The following AKAP6 variants were observed in gnomAD, a reference collection of about 807,000 sequenced individuals.
AKAP6 encodes the protein A-kinase anchoring protein 6.
A neutral mutation model predicts 188.5 loss-of-function variants in AKAP6; 58 were observed. The observed-to-expected ratio is 0.31, with a 90% confidence interval of 0.25 to 0.38. AKAP6 has a LOEUF of 0.38. AKAP6 is among the 10% of genes least tolerant of loss of function. The pLI is 1.00. For missense variants in AKAP6, 2,710 were observed against 2,740.0 expected (o/e 0.99, Z 0.24); for synonymous variants, 989 against 998.6 (o/e 0.99, Z 0.18).
intron 11 of AKAP6, among the ~76,000 whole-genome samples, chr14:32,757,697 C>G (rs1039378293): frequency 6.6e-6 from 1 of 152,170 alleles, no homozygotes; most frequent in Non-Finnish European, 1.5e-5. Context: ...CATATATAGT[C>G]CTCTTCCAAG....
chr14:32,483,762 G>A (rs918468344), intron 2 of AKAP6, among the ~76,000 whole-genome samples: 3 of 152,040 alleles, frequency 2.0e-5, no homozygotes, highest in Admixed American at 1.3e-4. Context: ...GGGATTACAG[G>A]TGTGAGCCAC....
At chr14:32,814,056 C>T (rs2034317769) in intron 12 of AKAP6, among the ~76,000 whole-genome samples, 1 of 152,072 alleles carries the variant, frequency 6.6e-6, no homozygotes, top group South Asian at 2.1e-4. Context: ...TTGAACAGTA[C>T]CTGACAGGGC....
At chr14:32,534,747 C>T (rs562031392) in intron 2 of AKAP6, among the ~76,000 whole-genome samples, 19 of 151,998 alleles carry the variant, frequency 1.3e-4, no homozygotes, top group Non-Finnish European at 2.6e-4. Context: ...GGGTGGATCA[C>T]CTGAGGTCAG....
intron 5 of AKAP6, among the ~76,000 whole-genome samples, chr14:32,598,659 T>C (rs181068933): frequency 6.6e-6 from 1 of 152,240 alleles, no homozygotes; most frequent in East Asian, 1.9e-4. Context: ...AATTTTACAA[T>C]AGAAGCAGAT....
chr14:32,373,431 A>G (rs1888072140), intron 1 of AKAP6: 1 of 152,170 alleles, frequency 6.6e-6, no homozygotes, highest in Admixed American at 6.6e-5. Flanking sequence ...CAGTTTATTG[A>G]TCTGGGTGGT....
Position 32,568,305 on chromosome 14 carries a change from A to G in AKAP6, c.2347-8815A>G, listed in dbSNP as rs988298632. On this transcript the variant is annotated intron_variant, in intron 4 of 13. Transcript: ENST00000280979. The surrounding 1 kb of genome is among the most constrained non-coding windows in gnomAD (Gnocchi z 6.2). ...GAACAAAACTATTTAATAACCACTT[A>G]ATAGCTATAGGACCTTAAATAAATT... is the stretch of plus-strand genomic sequence containing the variant. Among the ~76,000 whole-genome samples, 2 of 152,148 alleles carry G rather than the reference A, an allele frequency of 1.3e-5. No individual in the cohort carries two copies. Among genetic ancestry groups the G allele is most frequent in the African/African-American group, 2.4e-5 (1 of 41,436 alleles).
rs11404817 is a variant in AKAP6 at position 32,411,794 on chromosome 14, C to CTT, written c.-34-21653_-34-21652dup. Among the ~76,000 whole-genome samples, 677 of 144,466 alleles carry CTT rather than the reference C, an allele frequency of 4.7e-3. 7 individuals are homozygous for CTT. Among genetic ancestry groups the CTT allele is most frequent in the Non-Finnish European group, 6.7e-3 (446 of 66,096 alleles). The allele number at this position is 144,466 out of a possible 152,430, so 94.8% of individuals were successfully genotyped here. A position where few individuals can be genotyped will look rare whatever the true frequency, so the allele number is the denominator to read the frequency against. ...TCTTGTTGTTACCATCTCTCTTACT[C>CTT]TTTTTTTTTTTTTTAATTCTTTAGT... On this transcript the variant is annotated intron_variant, in intron 1 of 13. Coordinates refer to ENST00000280979, the MANE Select transcript of AKAP6 (RefSeq NM_004274.5).
At chr14:32,381,101 C>A (rs983023632) in intron 1 of AKAP6, among the ~76,000 whole-genome samples, 37 of 152,212 alleles carry the variant, frequency 2.4e-4, no homozygotes, top group African/African-American at 8.4e-4. Flanking sequence ...CTTTGTGAGG[C>A]TGATGGGGGC....
chr14:32,352,046 T>TGCTTTTGTGTA (rs1284620315), intron 1 of AKAP6, among the ~76,000 whole-genome samples: 1 of 151,634 alleles, frequency 6.6e-6, no homozygotes, highest in Non-Finnish European at 1.5e-5. Context: ...CTGTGGGCAC[T>TGCTTTTGTGTA]GCTTTTGTGT....
chr14:32,732,126 T>C (rs570600407), intron 9 of AKAP6, among the ~76,000 whole-genome samples: 4 of 152,122 alleles, frequency 2.6e-5, no homozygotes, highest in African/African-American at 9.6e-5. Flanking sequence ...TGGAACCAAA[T>C]AATGGCCAAA....
At chr14:32,488,373 C>T (rs1879816239) in intron 2 of AKAP6, among the ~76,000 whole-genome samples, 1 of 152,146 alleles carries the variant, frequency 6.6e-6, no homozygotes. Context: ...GTGGACGCCC[C>T]TACCCCCACC....
At chr14:32,515,058 T>C (rs372630231) in intron 2 of AKAP6, among the ~76,000 whole-genome samples, 1 of 152,148 alleles carries the variant, frequency 6.6e-6, no homozygotes, top group African/African-American at 2.4e-5. Context: ...AAGACATACC[T>C]GAGACTGGGT....
chr14:32,350,664 G>A (rs1319992426), intron 1 of AKAP6, among the ~76,000 whole-genome samples: 1 of 152,100 alleles, frequency 6.6e-6, no homozygotes, highest in Non-Finnish European at 1.5e-5. Flanking sequence ...GTTAACAATG[G>A]AGGAAACAGG....
chr14:32,557,493 T>G (rs1883741663), intron 4 of AKAP6, among the ~76,000 whole-genome samples: 1 of 152,240 alleles, frequency 6.6e-6, no homozygotes, highest in Admixed American at 6.5e-5. Context: ...GTATCCTTTT[T>G]TATTCACCCA....
chr14:32,520,715 C>A (rs185824117), intron 2 of AKAP6, among the ~76,000 whole-genome samples: 23 of 151,954 alleles, frequency 1.5e-4, no homozygotes, highest in Non-Finnish European at 2.1e-4. Context: ...GCCTACCAAC[C>A]AAAAAAAGTC....
chr14:32,596,001 C>T (rs934876933), intron 5 of AKAP6, among the ~76,000 whole-genome samples: 1 of 151,860 alleles, frequency 6.6e-6, no homozygotes, highest in Non-Finnish European at 1.5e-5. Context: ...AAAATTAGAC[C>T]AGAAAAGACT....
At chr14:32,448,561 G>A (rs958134423) in intron 2 of AKAP6, among the ~76,000 whole-genome samples, 1 of 152,212 alleles carries the variant, frequency 6.6e-6, no homozygotes, top group Admixed American at 6.5e-5. Flanking sequence ...CTACAAAGTG[G>A]TAGAGCTAGG....
rs146082221 is a variant in AKAP6 at position 32,823,944 on chromosome 14, A to T, written c.6131A>T (p.Asp2044Val). ...ATTTCCTGTTGCAACTGTGAGCCAG[A>T]TGTTTTCCATCAAAAAGATGCCGAA... ...SNISCCNCEP[D>V]VFHQKDAEDC... The change falls in exon 13 of 14, where the codon GAT (aspartate) becomes GTT (valine). Residue 2044 changes from aspartate to valine, a missense_variant. This residue lies in a region of AKAP6 where 2,473 missense variants were observed against 2,426.1 expected (regional missense o/e 1.02). Coordinates refer to ENST00000280979, the MANE Select transcript of AKAP6 (RefSeq NM_004274.5). 2.4e-5 allele frequency: 39 copies of T among 1,613,870 alleles called. No homozygotes were observed. In the African/African-American group the frequency reaches 5.1e-4, roughly 21 times the overall value.
intron 8 of AKAP6, among the ~76,000 whole-genome samples, chr14:32,690,637 C>T (rs1196741383): frequency 6.6e-6 from 1 of 152,136 alleles, no homozygotes; most frequent in Non-Finnish European, 1.5e-5. Context: ...CATAGTGCTT[C>T]AACCCAAACT....
Sources: gnomAD v4.1 joint callset for allele counts (sites outside exome capture counted in the v4.1 genomes callset) on GRCh38, gnomAD v4.1.1 for gene constraint, gnomAD v4.1.1 regional missense constraint, Gnocchi (gnomAD v3.1) non-coding constraint, MANE v1.5 for transcripts, NCBI Gene and HGNC (gene_info 2026-07-23, HGNC 2026-07-21) for gene names.